USP45: variants seen among roughly 807,000 people sequenced by gnomAD.
The protein encoded by USP45 is ubiquitin specific peptidase 45, also known as ubiquitin carboxyl-terminal hydrolase 45.
Under a neutral mutation model 95.8 loss-of-function variants are expected in USP45, and 89 were observed. The observed-to-expected ratio is 0.93, with a 90% CI of 0.78 to 1.11. The LOEUF (loss-of-function observed/expected upper bound fraction) is 1.11, where lower values mean the gene tolerates loss of function less well. USP45 is among the 50% of genes least tolerant of loss of function. The pLI is 0.00. For missense variants in USP45, 898 were observed against 942.5 expected, an observed-to-expected ratio of 0.95 and a Z score of 0.62; for synonymous variants, 281 against 316.2, an observed-to-expected ratio of 0.89 and a Z score of 1.18.
At position 99,488,816 on chromosome 6, in the gene USP45, T is replaced by C. The variant is rs772111652; in HGVS notation, c.483A>G (p.Ala161=). Residue 161 remains alanine, a synonymous_variant, in exon 6 of 18, where the codon GCA becomes GCG. Coordinates refer to ENST00000500704, the MANE Select transcript of USP45 (RefSeq NM_001346022.3). ...CACAAAGTTTCATGATTCTAGAAAA[T>C]GCACCTACAAGTTAGAGAAAAAATA... ...QKHASKTQTS[A]FSRIMKLCEE... The C allele has an allele frequency of 1.5e-5, 24 of 1,581,660 alleles. No individual in the cohort carries two copies. In the Admixed American group the frequency reaches 4.3e-4, roughly 28 times the overall value.
chr6:99,493,341 G>A (rs149561117), intron 5 of USP45, among the ~76,000 whole-genome samples: 7 of 152,114 alleles, frequency 4.6e-5, no homozygotes, highest in Non-Finnish European at 8.8e-5. Context: ...TTAAATTTAT[G>A]ATAACTGTAA....
At chr6:99,514,226 C>T (rs72926250) in intron 1 of USP45, among the ~76,000 whole-genome samples, 1 of 152,210 alleles carries the variant, frequency 6.6e-6, no homozygotes, top group African/African-American at 2.4e-5. Flanking sequence ...GGAGGAATCA[C>T]GTGTAGGCTC....
At chr6:99,505,527 G>T (rs1438114369) in intron 4 of USP45, among the ~76,000 whole-genome samples, 1 of 151,158 alleles carries the variant, frequency 6.6e-6, no homozygotes, top group Non-Finnish European at 1.5e-5. Context: ...TTAGCAGGGC[G>T]TGGTGGCGGG....
intron 2 of USP45, among the ~76,000 whole-genome samples, chr6:99,509,370 G>T (rs11154891): frequency 6.6e-6 from 1 of 152,144 alleles, no homozygotes; most frequent in Non-Finnish European, 1.5e-5. Flanking sequence ...ACAATCCTTA[G>T]AACTTATTCG....
At chr6:99,482,568 A>T in intron 8 of USP45, 185 bp downstream of exon 8, 1 of 480,504 alleles carries the variant, frequency 2.1e-6, no homozygotes, top group East Asian at 3.3e-5. Flanking sequence ...TATGAGGATA[A>T]GCTGCTTCTT....
chr6:99,491,302 T>C (rs1330872544), intron 5 of USP45, among the ~76,000 whole-genome samples: 1 of 152,176 alleles, frequency 6.6e-6, no homozygotes, highest in Non-Finnish European at 1.5e-5. Context: ...AGCCAGTCAG[T>C]ACTTAAGAAG....
At chr6:99,512,360 G>A (rs1212577205) in intron 1 of USP45, among the ~76,000 whole-genome samples, 2 of 152,088 alleles carry the variant, frequency 1.3e-5, no homozygotes, top group African/African-American at 4.8e-5. Flanking sequence ...ATACTCTTTC[G>A]ACAGCAAAGT....
chr6:99,476,226 G>A lies in USP45; in HGVS notation c.850C>T (p.Pro284Ser). ...VLFNQLCQKAPRFKDFQQQDS... is the reference protein window; with the variant it reads ...VLFNQLCQKASRFKDFQQQDS... ...TGTTGCTGGAAATCTTTAAATCGAGGTGCCCTGTGATTTAAAAACAAAAGA... is the reference window on the plus strand; with the variant it reads ...TGTTGCTGGAAATCTTTAAATCGAGATGCCCTGTGATTTAAAAACAAAAGA... Residue 284 changes from proline (P) to serine (S), a missense_variant, in exon 9 of 18, where the codon CCT (proline) becomes TCT (serine). Pro to Ser is a moderately conservative substitution (Grantham distance 74). Coordinates refer to ENST00000500704, the MANE Select transcript of USP45 (RefSeq NM_001346022.3). The A allele has an allele frequency of 6.2e-7, 1 of 1,613,784 alleles. No individual in the cohort carries two copies. Among genetic ancestry groups the A allele is most frequent in the Non-Finnish European group, 8.5e-7 (1 of 1,179,848 alleles).
At chr6:99,461,449 A>C in intron 13 of USP45, 2 of 985,328 alleles carry the variant, frequency 2.0e-6, no homozygotes, top group Non-Finnish European at 2.4e-6. Context: ...GCCTCCTGTT[A>C]CTATTTTTTC....
intron 7 of USP45, among the ~76,000 whole-genome samples, chr6:99,484,253 A>T (rs1793262429): frequency 6.6e-6 from 1 of 151,476 alleles, no homozygotes; most frequent in Non-Finnish European, 1.5e-5. Flanking sequence ...CTGTAACTTC[A>T]AACTCTTGGA....
At position 99,503,754 on chromosome 6, in the gene USP45, G is replaced by A. The variant is rs747951873; in HGVS notation, c.478+11C>T. ...TTTAACACAGATTCCTTTAGTCATC[G>A]CTTAACTTACTTGTTTGTGTTTTAG... On this transcript the variant is annotated intron_variant, in intron 5 of 17. Transcript: ENST00000500704. 9.1e-6 allele frequency: 14 copies of A among 1,537,800 alleles called. No individual in the cohort carries two copies. The East Asian group carries it at 9.1e-5, about 10-fold the overall frequency.
At chr6:99,463,227 A>T (rs1426146071) in intron 13 of USP45, among the ~76,000 whole-genome samples, 1 of 152,160 alleles carries the variant, frequency 6.6e-6, no homozygotes, top group African/African-American at 2.4e-5. Context: ...ATAATTCAAC[A>T]ACCAGGTATG....
At chr6:99,443,544 G>T in intron 15 of USP45, 21 bp downstream of exon 15, 3 of 1,532,674 alleles carry the variant, frequency 2.0e-6, no homozygotes, top group Non-Finnish European at 2.7e-6. Flanking sequence ...TGAAAATTAT[G>T]GTGCTACTGA....
intron 13 of USP45, among the ~76,000 whole-genome samples, chr6:99,460,473 A>G (rs2128611068): frequency 6.6e-6 from 1 of 152,282 alleles, no homozygotes; most frequent in South Asian, 2.1e-4. Flanking sequence ...CTTTAAAACT[A>G]CTAAGTACCT....
At chr6:99,444,719 C>G (rs1313776805) in intron 14 of USP45, among the ~76,000 whole-genome samples, 16 of 152,176 alleles carry the variant, frequency 1.1e-4, no homozygotes, top group Non-Finnish European at 1.0e-4. Context: ...CTTAGCCTGC[C>G]TTACCCATTT....
At position 99,445,802 on chromosome 6, in the gene USP45, A is replaced by T; in HGVS notation, c.1970T>A (p.Phe657Tyr). The T allele has an allele frequency of 6.4e-7, 1 of 1,559,240 alleles. No homozygotes were observed. Among genetic ancestry groups the T allele is most frequent in the East Asian group, 2.3e-5 (1 of 44,348 alleles). ...GTAATTAAAAAAATAATTACCTGCAAAACTGGTTTCTTCTTGGTACTTCTG... is the reference window on the plus strand; with the variant it reads ...GTAATTAAAAAAATAATTACCTGCATAACTGGTTTCTTCTTGGTACTTCTG... ...NKQKYQEETS[F>Y]AEKKVEGVYT... Residue 657 changes from phenylalanine (F) to tyrosine (Y), a missense_variant, in exon 14 of 18, where the codon TTT (phenylalanine) becomes TAT (tyrosine). By Grantham distance (22) the Phe-to-Tyr change is conservative (BLOSUM62 3). Coordinates refer to ENST00000500704, the MANE Select transcript of USP45 (RefSeq NM_001346022.3).
chr6:99,513,168 C>T (rs907950846), intron 1 of USP45, among the ~76,000 whole-genome samples: 2 of 152,176 alleles, frequency 1.3e-5, no homozygotes, highest in African/African-American at 4.8e-5. Context: ...TTAAGGACTA[C>T]ATCACCTCTC....
At chr6:99,439,434 C>T (rs571376973) in intron 16 of USP45, among the ~76,000 whole-genome samples, 1 of 152,336 alleles carries the variant, frequency 6.6e-6, no homozygotes, top group Admixed American at 6.5e-5. Context: ...AATGGTAAAA[C>T]TACTACTGAT....
chr6:99,453,421 CAAAAG>C (rs534020633), intron 13 of USP45, among the ~76,000 whole-genome samples: 72 of 150,788 alleles, frequency 4.8e-4, no homozygotes, highest in African/African-American at 1.7e-3. Flanking sequence ...ACAATGGCTA[CAAAAG>C]AAAAAAAAAT....
Sources: gnomAD v4.1 joint callset for allele counts (sites outside exome capture counted in the v4.1 genomes callset) on GRCh38, gnomAD v4.1.1 for gene constraint, MANE v1.5 for transcripts, NCBI Gene and HGNC (gene_info 2026-07-23, HGNC 2026-07-21) for gene names.